BLVRA: variants seen among roughly 807,000 people sequenced by gnomAD.
The protein encoded by BLVRA is BVR A.
A neutral mutation model predicts 32.8 loss-of-function variants in BLVRA; 22 were observed. The observed-to-expected ratio is 0.67, with a 90% CI of 0.48 to 0.96. BLVRA has a LOEUF of 0.96. Ranked by LOEUF, BLVRA falls within the 40% of genes least tolerant of loss-of-function variation. The pLI is 0.00. For missense variants in BLVRA, 323 were observed against 358.1 expected, an observed-to-expected ratio of 0.90 and a Z score of 0.79; for synonymous variants, 119 against 141.3, an observed-to-expected ratio of 0.84 and a Z score of 1.12.
rs1394844135 is a variant in BLVRA at position 43,758,695 on chromosome 7, T to G, written c.-61T>G. Reference sequence around the variant, plus strand: ...ATCCCGCCCCGGTCCGCAAAGCCGGTGGCGCCCGGAGGCTGCACGGAGAGC... The same window carrying G: ...ATCCCGCCCCGGTCCGCAAAGCCGGGGGCGCCCGGAGGCTGCACGGAGAGC... On this transcript the variant is annotated 5_prime_UTR_variant, in exon 1 of 8. Transcript: ENST00000265523. The G allele has an allele frequency of 6.6e-6, 1 of 151,980 alleles. No individual in the cohort carries two copies. Among genetic ancestry groups the G allele is most frequent in the African/African-American group, 2.4e-5 (1 of 41,354 alleles). 9.4% of individuals were successfully genotyped at this position (151,980 alleles called of 1,614,324 possible).
At chr7:43,797,004 C>T (rs867223506) in intron 5 of BLVRA, among the ~76,000 whole-genome samples, 1 of 152,214 alleles carries the variant, frequency 6.6e-6, no homozygotes, top group Non-Finnish European at 1.5e-5. Flanking sequence ...CCACAGCCAC[C>T]GTCAGTAACC....
At chr7:43,759,466 A>G (rs17239432) in intron 1 of BLVRA, among the ~76,000 whole-genome samples, 5 of 152,176 alleles carry the variant, frequency 3.3e-5, no homozygotes, top group African/African-American at 9.7e-5. Context: ...TTTCCATCCT[A>G]TTATACCGCT....
At chr7:43,770,277 T>G (rs2095753102) in intron 1 of BLVRA, among the ~76,000 whole-genome samples, 1 of 152,184 alleles carries the variant, frequency 6.6e-6, no homozygotes, top group Non-Finnish European at 1.5e-5. Flanking sequence ...CCAGTTTTAG[T>G]TAAAATACAG....
intron 6 of BLVRA, 112 bp from the exon 7 acceptor site, chr7:43,803,564 A>T: frequency 8.3e-7 from 1 of 1,209,856 alleles, no homozygotes; most frequent in Non-Finnish European, 1.2e-6. Context: ...GTCCCATTGT[A>T]CTGATCACTC....
At chr7:43,795,527 C>T (rs942044611) in intron 5 of BLVRA, among the ~76,000 whole-genome samples, 10 of 151,862 alleles carry the variant, frequency 6.6e-5, no homozygotes, top group African/African-American at 2.4e-4. Flanking sequence ...CAAAACAAAA[C>T]AATACAAAAC....
chr7:43,782,424 C>T (rs1380294890), intron 2 of BLVRA, among the ~76,000 whole-genome samples: 5 of 152,172 alleles, frequency 3.3e-5, no homozygotes, highest in Non-Finnish European at 5.9e-5. Context: ...TGCCAGGATT[C>T]CTAGAGCTAC....
At chr7:43,792,618 C>T (rs2095787343) in intron 4 of BLVRA, 97 bp from the exon 5 acceptor site, 2 of 1,201,550 alleles carry the variant, frequency 1.7e-6, no homozygotes, top group Non-Finnish European at 2.4e-6. Context: ...CACAGAAACT[C>T]TCATGCCTTT....
chr7:43,798,639 C>G (rs141407845), intron 5 of BLVRA, among the ~76,000 whole-genome samples: 1 of 152,172 alleles, frequency 6.6e-6, no homozygotes, highest in East Asian at 1.9e-4. Flanking sequence ...GTGGTTAAGG[C>G]TCATCTTGTA....
chr7:43,796,121 C>CAAAAAAAAAAA (rs371922009), intron 5 of BLVRA, among the ~76,000 whole-genome samples: 1 of 66,604 alleles, frequency 1.5e-5, no homozygotes, highest in Non-Finnish European at 3.0e-5. Context: ...CTCTGTCTCA[C>CAAAAAAAAAAA]AAAAAAAAAA....
intron 1 of BLVRA, chr7:43,767,718 T>C (rs1198406701): frequency 1.0e-5 from 4 of 397,792 alleles, no homozygotes; most frequent in South Asian, 2.2e-5. Context: ...TAAGGAGTCA[T>C]GTTTGAGTAG....
At chr7:43,783,998 A>ACT (rs36121270) in intron 2 of BLVRA, among the ~76,000 whole-genome samples, 23,356 of 152,044 alleles carry the variant, frequency 0.15, 2,254 homozygotes, top group Non-Finnish European at 0.22. Flanking sequence ...CACATTCCTA[A>ACT]CTATGAACTC....
At chr7:43,771,219 C>G in intron 2 of BLVRA, 49 bp downstream of exon 2, 1 of 1,597,610 alleles carries the variant, frequency 6.3e-7, no homozygotes, top group African/African-American at 1.3e-5. Context: ...CTTATTGTGT[C>G]CCTCATTTCT....
chr7:43,758,363 A>AG (rs373793689), upstream of BLVRA, among the ~76,000 whole-genome samples: 99 of 151,708 alleles, frequency 6.5e-4, no homozygotes, highest in African/African-American at 2.3e-3. Flanking sequence ...GCACACCGTG[A>AG]GGGGGCCAGG....
At chr7:43,778,270 G>A (rs1358132079) in intron 2 of BLVRA, among the ~76,000 whole-genome samples, 7 of 152,114 alleles carry the variant, frequency 4.6e-5, no homozygotes, top group African/African-American at 1.4e-4. Flanking sequence ...CCATCTTTGT[G>A]GTTTTATCTA....
At chr7:43,761,442 T>C (rs2095742167) in intron 1 of BLVRA, among the ~76,000 whole-genome samples, 1 of 152,226 alleles carries the variant, frequency 6.6e-6, no homozygotes, top group Admixed American at 6.5e-5. Context: ...GTGTAGCGGC[T>C]CCCTTATAGG....
chr7:43,791,270 T>C lies in BLVRA; in HGVS notation c.156T>C (p.Asp52=). 2 of 1,614,206 alleles carry C rather than the reference T, an allele frequency of 1.2e-6. No individual in the cohort carries two copies. Among genetic ancestry groups the C allele is most frequent in the South Asian group, 1.1e-5 (1 of 91,088 alleles). ...FVSRRELGSI[D]GVQQISLEDA... is the part of the protein sequence containing the mutation. ...ATAGAAGGGAGCTCGGGAGCATTGA[T>C]GGAGTCCAGCAGATTTCTTTGGAGG... Residue 52 remains aspartate, a synonymous_variant, in exon 4 of 8, where the codon GAT becomes GAC. Coordinates refer to ENST00000265523, the MANE Select transcript of BLVRA (RefSeq NM_000712.4).
intron 6 of BLVRA, 84 bp downstream of exon 6, chr7:43,800,656 A>T: frequency 2.4e-6 from 3 of 1,245,132 alleles, no homozygotes; most frequent in Non-Finnish European, 2.3e-6. Flanking sequence ...ATGGGAGCTT[A>T]TATTCATTTC....
At chr7:43,782,798 TGAA>T (rs1432267763) in intron 2 of BLVRA, among the ~76,000 whole-genome samples, 1 of 152,052 alleles carries the variant, frequency 6.6e-6, no homozygotes, top group African/African-American at 2.4e-5. Context: ...GGAGTGAGTT[TGAA>T]GAAGGTCCAG....
intron 2 of BLVRA, among the ~76,000 whole-genome samples, chr7:43,782,102 A>C (rs1298077271): frequency 6.6e-6 from 1 of 152,144 alleles, no homozygotes; most frequent in South Asian, 2.1e-4. Flanking sequence ...TGCCTCGCTC[A>C]TCTTAGCATC....
Sources: allele counts gnomAD v4.1 joint callset (sites outside exome capture counted in the v4.1 genomes callset), GRCh38; gene constraint gnomAD v4.1.1; transcripts MANE v1.5; gene names NCBI Gene and HGNC (gene_info 2026-07-23, HGNC 2026-07-21).